The following CDK7 variants were observed in gnomAD, a reference collection of about 807,000 sequenced individuals.
The protein encoded by CDK7 is cyclin dependent kinase 7, also known as cyclin-dependent kinase 7.
CDK7 carries 25 observed loss-of-function variants against 49.1 expected under a neutral mutation model. The ratio of observed to expected loss-of-function variants is 0.51; its 90% CI spans 0.37 to 0.71. The LOEUF (loss-of-function observed/expected upper bound fraction) is 0.71. Among genes scored for constraint, CDK7 ranks in the 30% least tolerant of loss-of-function variants. CDK7 has a pLI of 0.00. For missense variants in CDK7, 316 were observed against 411.7 expected, an observed-to-expected ratio of 0.77 and a Z score of 2.01; for synonymous variants, 107 against 140.0, an observed-to-expected ratio of 0.76 and a Z score of 1.67.
intron 7 of CDK7, among the ~76,000 whole-genome samples, chr5:69,261,095 G>A (rs966595571): frequency 1.3e-5 from 2 of 152,146 alleles, no homozygotes; most frequent in Non-Finnish European, 2.9e-5. Flanking sequence ...TGGGATTACA[G>A]GTGTGAGCCA....
At chr5:69,262,098 G>C in intron 7 of CDK7, 107 bp from the exon 8 acceptor site, 1 of 1,349,506 alleles carries the variant, frequency 7.4e-7, no homozygotes. Flanking sequence ...CTTAAAGTAA[G>C]GGATTGCCTT....
In CDK7 at chr5:69,245,497, C is replaced by T. The variant is rs191715375; in HGVS notation, c.127-6921C>T. On this transcript the variant is annotated intron_variant, in intron 2 of 11. Coordinates refer to ENST00000256443, the MANE Select transcript of CDK7 (RefSeq NM_001799.4). The stretch of plus-strand genomic sequence containing the variant: ...CTGGGATTACAGGCATGCACCACCA[C>T]GCCTGGCTACTTTTTATATTTTTAG... Among the ~76,000 whole-genome samples the T allele has an allele frequency of 2.3e-3, 353 of 151,830 alleles. 4 individuals are homozygous for T. The highest frequency in any genetic ancestry group is 8.2e-3 in the African/African-American group (340 of 41,356).
intron 2 of CDK7, among the ~76,000 whole-genome samples, chr5:69,244,541 A>C (rs2972377): frequency 0.61 from 91,752 of 150,328 alleles, 28,472 homozygotes; most frequent in African/African-American, 0.74. Context: ...GAGGCTGAGG[A>C]GGGAGAATTG....
intron 10 of CDK7, among the ~76,000 whole-genome samples, chr5:69,273,469 A>G (rs1225266947): frequency 6.6e-6 from 1 of 152,182 alleles, no homozygotes; most frequent in Non-Finnish European, 1.5e-5. Flanking sequence ...AATGCAATCC[A>G]GGTATGCATG....
intron 2 of CDK7, among the ~76,000 whole-genome samples, chr5:69,242,654 G>A (rs1749469036): frequency 6.6e-6 from 1 of 152,198 alleles, no homozygotes; most frequent in Non-Finnish European, 1.5e-5. Context: ...GGAAAGGACT[G>A]TTAATCATCT....
rs959086593 is a variant in CDK7 at position 69,270,111 on chromosome 5, T to G, written c.714+818T>G. 6.7e-5 allele frequency among the ~76,000 whole-genome samples: 10 copies of G among 148,892 alleles called. 1 individual carries two copies. Among genetic ancestry groups the G allele is most frequent in the South Asian group, 4.3e-4 (2 of 4,636 alleles). On this transcript the variant is annotated intron_variant, in intron 9 of 11. Coordinates refer to ENST00000256443, the MANE Select transcript of CDK7 (RefSeq NM_001799.4). ...TAAACTTCTTATTTTGAGAATATTATTCACGTGCAATTGTGAATATATAAT... is the reference window on the plus strand; with the variant it reads ...TAAACTTCTTATTTTGAGAATATTAGTCACGTGCAATTGTGAATATATAAT...
chr5:69,238,520 C>T (rs1238503467), intron 2 of CDK7, among the ~76,000 whole-genome samples: 1 of 152,022 alleles, frequency 6.6e-6, no homozygotes, highest in Non-Finnish European at 1.5e-5. Flanking sequence ...CTCCTGGGCT[C>T]AAGTGAACCT....
chr5:69,264,288 C>G (rs1561368827), intron 8 of CDK7, among the ~76,000 whole-genome samples: 2 of 152,038 alleles, frequency 1.3e-5, no homozygotes, highest in African/African-American at 4.8e-5. Flanking sequence ...ATAAGAGACA[C>G]TTGAACTATT....
intron 6 of CDK7, among the ~76,000 whole-genome samples, chr5:69,258,648 C>T (rs1450407292): frequency 6.6e-6 from 1 of 152,132 alleles, no homozygotes; most frequent in Non-Finnish European, 1.5e-5. Context: ...TCCCAAAGTG[C>T]TGGGATTACA....
intron 9 of CDK7, among the ~76,000 whole-genome samples, 180 bp from the exon 10 acceptor site, chr5:69,272,708 AATTG>A (rs1429984653): frequency 1.3e-5 from 2 of 151,972 alleles, no homozygotes; most frequent in Non-Finnish European, 2.9e-5. Context: ...ACAAAATTAC[AATTG>A]ATTTTTAAAT....
chr5:69,254,363 A>G (rs1750343283), intron 3 of CDK7, among the ~76,000 whole-genome samples: 1 of 151,956 alleles, frequency 6.6e-6, no homozygotes, highest in African/African-American at 2.4e-5. Flanking sequence ...CTTTACTAAA[A>G]ATACAAAAAT....
chr5:69,234,943 C>G lies in CDK7; in HGVS notation c.-33C>G, dbSNP rs752565112. 7 of 1,573,300 alleles carry G rather than the reference C, an allele frequency of 4.4e-6. No individual in the cohort carries two copies. Among genetic ancestry groups the G allele is most frequent in the African/African-American group, 1.3e-5 (1 of 74,174 alleles). On this transcript the variant is annotated 5_prime_UTR_variant, in exon 1 of 12. Coordinates refer to ENST00000256443, the MANE Select transcript of CDK7 (RefSeq NM_001799.4). The stretch of plus-strand genomic sequence containing the variant: ...ATTCGTGTTGTCCTGGGAGCTCGCC[C>G]TTTTCGGCTGGAGTCGGGCTTTACG...
intron 7 of CDK7, among the ~76,000 whole-genome samples, chr5:69,260,501 A>T (rs1750748556): frequency 6.6e-6 from 1 of 152,228 alleles, no homozygotes; most frequent in Non-Finnish European, 1.5e-5. Flanking sequence ...TTATACTTTA[A>T]CATTTTAGTT....
chr5:69,275,330 A>T (rs1284287411), intron 10 of CDK7, among the ~76,000 whole-genome samples: 1 of 152,188 alleles, frequency 6.6e-6, no homozygotes, highest in Non-Finnish European at 1.5e-5. Context: ...TGTATTTTTT[A>T]AAAAGCCTTA....
chr5:69,268,696 C>CA (rs1226977269), intron 8 of CDK7, among the ~76,000 whole-genome samples: 2 of 151,390 alleles, frequency 1.3e-5, no homozygotes, highest in Admixed American at 6.6e-5. Context: ...ACTAAAAATA[C>CA]AAAAAAATTA....
At chr5:69,258,554 G>T (rs950805678) in intron 6 of CDK7, among the ~76,000 whole-genome samples, 1 of 151,712 alleles carries the variant, frequency 6.6e-6, no homozygotes, top group African/African-American at 2.4e-5. Flanking sequence ...CTAATTTTTT[G>T]TATTTTTTTA....
intron 8 of CDK7, among the ~76,000 whole-genome samples, chr5:69,264,942 G>T (rs2150220894): frequency 1.3e-5 from 2 of 150,364 alleles, no homozygotes; most frequent in South Asian, 4.2e-4. Context: ...TTGCACTCCA[G>T]CCTGGGCAAC....
chr5:69,260,901 T>C (rs1750770482), intron 7 of CDK7, among the ~76,000 whole-genome samples: 1 of 152,178 alleles, frequency 6.6e-6, no homozygotes, highest in Non-Finnish European at 1.5e-5. Flanking sequence ...CACTGCTGCC[T>C]TGACCTCTTG....
intron 2 of CDK7, among the ~76,000 whole-genome samples, chr5:69,240,095 A>G (rs1749269472): frequency 6.6e-6 from 1 of 152,088 alleles, no homozygotes; most frequent in Non-Finnish European, 1.5e-5. Context: ...CAAATTCCCC[A>G]TACCCTTGCA....
Sources: allele counts gnomAD v4.1 joint callset (sites outside exome capture counted in the v4.1 genomes callset), GRCh38; gene constraint gnomAD v4.1.1; transcripts MANE v1.5; gene names NCBI Gene and HGNC (gene_info 2026-07-23, HGNC 2026-07-21).